The following SDK1 variants were observed in gnomAD, a reference collection of about 807,000 sequenced individuals.
SDK1 encodes sidekick cell adhesion molecule 1, also known as protein sidekick-1.
A neutral mutation model predicts 245.5 loss-of-function variants in SDK1; 157 were observed. That is an observed-to-expected ratio of 0.64 (90% CI 0.56 to 0.73). SDK1 has a LOEUF of 0.73. SDK1 is among the 30% of genes least tolerant of loss of function. The probability of loss-of-function intolerance (pLI) is 0.00; values close to 1 mark genes in which losing one functional copy is unlikely to be tolerated. For synonymous variants in SDK1, 1,647 were observed against 1,278.5 expected (o/e 1.29, Z -6.15); for missense variants, 3,583 against 3,002.3 (o/e 1.19, Z -4.52).
intron 1 of SDK1, among the ~76,000 whole-genome samples, chr7:3,434,925 TCA>T (rs1255188522): frequency 6.6e-5 from 10 of 152,202 alleles, no homozygotes; most frequent in Admixed American, 3.3e-4. Context: ...TTTTCTCATC[TCA>T]CAGGTGAGTT....
chr7:3,849,874 AC>A (rs1780375835), intron 5 of SDK1, among the ~76,000 whole-genome samples: 1 of 152,206 alleles, frequency 6.6e-6, no homozygotes, highest in African/African-American at 2.4e-5. Flanking sequence ...GAGTTGACAG[AC>A]CTTTAGTTAT....
rs1288181798 is a variant in SDK1 at position 3,555,866 on chromosome 7, G to C, written c.299-63214G>C. The stretch of plus-strand genomic sequence containing the variant: ...CAAATCAAAACCATTATACAACAAG[G>C]TATCATCTCACTCCAGTTAAAATGG... On this transcript the variant is annotated intron_variant, in intron 1 of 44. Transcript: ENST00000404826. Among the ~76,000 whole-genome samples, 5 of 152,058 alleles carry C rather than the reference G, an allele frequency of 3.3e-5. No individual in the cohort carries two copies. In the East Asian group the frequency reaches 9.6e-4, roughly 29 times the overall value.
chr7:4,033,987 G>A (rs1788033660), intron 17 of SDK1, among the ~76,000 whole-genome samples: 1 of 152,158 alleles, frequency 6.6e-6, no homozygotes, highest in African/African-American at 2.4e-5. Context: ...CTCGACCCTG[G>A]AGAAACCTGG....
intron 4 of SDK1, among the ~76,000 whole-genome samples, chr7:3,755,299 G>A (rs574666412): frequency 9.9e-5 from 15 of 152,258 alleles, no homozygotes; most frequent in African/African-American, 2.6e-4. Flanking sequence ...GTTGGGGAGC[G>A]AAAATAGGGA....
chr7:3,464,504 G>C (rs1364684918), intron 1 of SDK1, among the ~76,000 whole-genome samples: 3 of 152,162 alleles, frequency 2.0e-5, no homozygotes, highest in African/African-American at 7.2e-5. Flanking sequence ...CTGGGTGATA[G>C]AGTGAGACCC....
At chr7:3,824,778 A>T (rs1583452586) in intron 5 of SDK1, among the ~76,000 whole-genome samples, 2 of 151,878 alleles carry the variant, frequency 1.3e-5, no homozygotes, top group Admixed American at 6.6e-5. Context: ...TTAGATTTAA[A>T]TTTTTTTTTA....
At chr7:3,627,339 A>G (rs1472378921) in intron 2 of SDK1, among the ~76,000 whole-genome samples, 2 of 152,152 alleles carry the variant, frequency 1.3e-5, no homozygotes, top group Non-Finnish European at 2.9e-5. Context: ...GCCTGTTTTC[A>G]TACCTCCTTC....
chr7:3,646,841 A>G (rs1186814985), intron 4 of SDK1, among the ~76,000 whole-genome samples: 5 of 152,344 alleles, frequency 3.3e-5, no homozygotes, highest in Admixed American at 2.0e-4. Context: ...TGTTTAATTA[A>G]AAATAGGTGG....
chr7:4,119,349 G>A (rs958512525), intron 25 of SDK1, among the ~76,000 whole-genome samples: 1 of 148,094 alleles, frequency 6.8e-6, no homozygotes, highest in Non-Finnish European at 1.5e-5. Context: ...CAGCTACTTG[G>A]GAGGCTGAGG....
intron 44 of SDK1, among the ~76,000 whole-genome samples, chr7:4,251,625 A>C (rs936927261): frequency 2.0e-5 from 3 of 152,248 alleles, no homozygotes; most frequent in African/African-American, 7.2e-5. Context: ...CTCCAGAAAG[A>C]AAGCAGGTGT....
chr7:3,835,512 A>G (rs1583462174), intron 5 of SDK1, among the ~76,000 whole-genome samples: 2 of 152,178 alleles, frequency 1.3e-5, no homozygotes, highest in Admixed American at 6.5e-5. Flanking sequence ...TATACTTTCT[A>G]TCCCAAAGCT....
intron 14 of SDK1, among the ~76,000 whole-genome samples, chr7:3,991,609 G>A (rs73673213): frequency 5.7e-4 from 87 of 152,288 alleles, no homozygotes; most frequent in Non-Finnish European, 8.1e-4. Flanking sequence ...GACAGAGAAC[G>A]TCAGTCACCC....
chr7:3,649,494 A>G (rs1782942683), intron 4 of SDK1, among the ~76,000 whole-genome samples: 1 of 151,920 alleles, frequency 6.6e-6, no homozygotes, highest in Non-Finnish European at 1.5e-5. Context: ...CTAGAATTTC[A>G]CACAAATGAC....
At chr7:3,621,664 C>T (rs1360640568) in intron 2 of SDK1, among the ~76,000 whole-genome samples, 2 of 152,194 alleles carry the variant, frequency 1.3e-5, no homozygotes, top group African/African-American at 2.4e-5. Flanking sequence ...TTTCCGACCA[C>T]CTGTAATAGT....
At chr7:3,370,527 G>GT (rs1347326513) in intron 1 of SDK1, among the ~76,000 whole-genome samples, 1 of 152,178 alleles carries the variant, frequency 6.6e-6, no homozygotes, top group African/African-American at 2.4e-5. Flanking sequence ...GAAACAGACT[G>GT]TTATGTTTGA....
intron 5 of SDK1, among the ~76,000 whole-genome samples, chr7:3,922,403 C>T (rs1350359779): frequency 6.6e-6 from 1 of 152,238 alleles, no homozygotes; most frequent in Admixed American, 6.5e-5. Flanking sequence ...GATTTACTTA[C>T]AGCAAGAAAA....
chr7:3,526,646 T>C (rs1392532464), intron 1 of SDK1, among the ~76,000 whole-genome samples: 2 of 152,226 alleles, frequency 1.3e-5, no homozygotes, highest in Non-Finnish European at 2.9e-5. Flanking sequence ...TTTTTCACCA[T>C]CATGATTGTT....
chr7:3,329,467 T>C (rs1780015045), intron 1 of SDK1, among the ~76,000 whole-genome samples: 1 of 152,174 alleles, frequency 6.6e-6, no homozygotes, highest in Non-Finnish European at 1.5e-5. Context: ...CTCTCAGTAG[T>C]CAATTTCAGA....
rs17133604 is a variant in SDK1 at position 3,637,547 on chromosome 7, G to C, written c.459-1457G>C. On this transcript the variant is annotated intron_variant, in intron 2 of 44. Coordinates refer to ENST00000404826, the MANE Select transcript of SDK1 (RefSeq NM_152744.4). Reference sequence around the variant, plus strand: ...TCCGGAGTTGTAAGACGCATTTCGAGTGGCGGTTGGTTACCTATCTTTACT... The same window carrying C: ...TCCGGAGTTGTAAGACGCATTTCGACTGGCGGTTGGTTACCTATCTTTACT... Among the ~76,000 whole-genome samples, 232 of 152,336 alleles carry C rather than the reference G, an allele frequency of 1.5e-3. 1 individual carries two copies. The highest frequency in any genetic ancestry group is 5.3e-3 in the African/African-American group (222 of 41,574).
Sources: allele counts gnomAD v4.1 joint callset (sites outside exome capture counted in the v4.1 genomes callset), GRCh38; gene constraint gnomAD v4.1.1; transcripts MANE v1.5; gene names NCBI Gene and HGNC (gene_info 2026-07-23, HGNC 2026-07-21).